PHC1: variants seen among roughly 807,000 people sequenced by gnomAD.
The protein encoded by PHC1 is polyhomeotic homolog 1.
PHC1 carries 12 observed loss-of-function variants against 104.3 expected under a neutral mutation model. That is an observed-to-expected ratio of 0.12 (90% CI 0.07 to 0.19). PHC1 has a LOEUF of 0.19. Ranked by LOEUF, PHC1 falls within the 10% of genes least tolerant of loss-of-function variation. The probability of loss-of-function intolerance (pLI) is 1.00; values close to 1 mark genes in which losing one functional copy is unlikely to be tolerated. For synonymous variants in PHC1, 302 were observed against 455.8 expected, an observed-to-expected ratio of 0.66 and a Z score of 4.30; for missense variants, 671 against 1,200.0, an observed-to-expected ratio of 0.56 and a Z score of 6.51.
Position 8,921,640 on chromosome 12 carries a change from C to T in PHC1, c.346C>T (p.Arg116Ter). ...ATTSAAQLISRSQSVSSPSAT... is the reference protein window; with the variant it reads ...ATTSAAQLIS ...CACATCGGCCGCCCAGCTCATCAGC[C>T]GATCCCAGAGTGTGAGCTCTCCCAG... Residue 116 changes from arginine to a stop codon, truncating the protein, a stop_gained, in exon 5 of 15, where the codon CGA becomes TGA. Coordinates refer to ENST00000544916, the MANE Select transcript of PHC1 (RefSeq NM_004426.3). LOFTEE classifies it high-confidence loss of function. 6.2e-7 allele frequency: 1 copy of T among 1,613,696 alleles called. No homozygotes were observed. The highest frequency in any genetic ancestry group is 8.5e-7 in the Non-Finnish European group (1 of 1,179,810).
At chr12:8,917,919 C>A in intron 2 of PHC1, 128 bp downstream of exon 2, 1 of 604,778 alleles carries the variant, frequency 1.7e-6, no homozygotes, top group South Asian at 2.1e-5. Context: ...GATGACTAAG[C>A]TGTCTTCCAG....
At chr12:8,921,308 AG>A (rs1322171169) in intron 4 of PHC1, among the ~76,000 whole-genome samples, 1 of 152,170 alleles carries the variant, frequency 6.6e-6, no homozygotes, top group African/African-American at 2.4e-5. Flanking sequence ...ATAACAAAGA[AG>A]GGGACTAATC....
chr12:8,925,947 G>A (rs1945500545), intron 6 of PHC1, among the ~76,000 whole-genome samples: 1 of 152,180 alleles, frequency 6.6e-6, no homozygotes, highest in Non-Finnish European at 1.5e-5. Flanking sequence ...ACTGGGGGTA[G>A]CAATGGAGAT....
chr12:8,914,651 C>A lies in PHC1; in HGVS notation c.-225C>A, dbSNP rs890879751. 6.7e-6 allele frequency: 1 copy of A among 149,808 alleles called. No individual in the cohort carries two copies. Among genetic ancestry groups the A allele is most frequent in the Non-Finnish European group, 1.5e-5 (1 of 66,946 alleles). 9.3% of individuals were successfully genotyped at this position (149,808 alleles called of 1,614,324 possible). A position where few individuals can be genotyped will look rare whatever the true frequency, so the allele number is the denominator to read the frequency against. On this transcript the variant is annotated 5_prime_UTR_variant, in exon 1 of 15. Coordinates refer to ENST00000544916, the MANE Select transcript of PHC1 (RefSeq NM_004426.3). ...GGCGGGAGGGGCGGGGAGCCGCGGT[C>A]GCGCCGGGCGCCTCCCACCCCGCCC...
At chr12:8,937,430 C>G in intron 13 of PHC1, 104 bp downstream of exon 13, 2 of 1,089,052 alleles carry the variant, frequency 1.8e-6, no homozygotes, top group Non-Finnish European at 2.6e-6. Context: ...GATGAGAACT[C>G]TGGTTTCACA....
chr12:8,931,589 G>A (rs778728864), intron 7 of PHC1, among the ~76,000 whole-genome samples: 6 of 152,240 alleles, frequency 3.9e-5, no homozygotes, highest in South Asian at 2.1e-4. Context: ...AGTCCCAGCT[G>A]CTCGGGAGGC....
rs953094562 is a variant in PHC1 at position 8,914,537 on chromosome 12, C to T, written c.-339C>T. 1 of 151,572 alleles carries T rather than the reference C, an allele frequency of 6.6e-6. No homozygotes were observed. Among genetic ancestry groups the T allele is most frequent in the Non-Finnish European group, 1.5e-5 (1 of 67,786 alleles). The allele number at this position is 151,572 out of a possible 1,614,324, so 9.4% of individuals were successfully genotyped here. A position where few individuals can be genotyped will look rare whatever the true frequency, so the allele number is the denominator to read the frequency against. ...CCGGCCCGCAGCCCCTGGCCTGCGG[C>T]CCCCACCTTCTCGGCCGGGCAGGAA... On this transcript the variant is annotated 5_prime_UTR_variant, in exon 1 of 15. Coordinates refer to ENST00000544916, the MANE Select transcript of PHC1 (RefSeq NM_004426.3).
At position 8,930,745 on chromosome 12, in the gene PHC1, G is replaced by A. The variant is rs1565519364; in HGVS notation, c.923G>A (p.Gly308Asp). ...GMGGGSCPRK[G>D]TGVVQPLPAA... is the part of the protein sequence containing the mutation. ...GGTGGTGGGAGCTGTCCCAGAAAGG[G>A]TACAGGAGTGGTGCAGCCCTTGCCT... Residue 308 changes from glycine (G) to aspartate (D), a missense_variant, in exon 7 of 15, where the codon GGT (glycine) becomes GAT (aspartate). Around this residue, in one of 9 missense-constraint regions of PHC1, gnomAD observed 78 missense variants for 140.8 expected, o/e 0.55. Coordinates refer to ENST00000544916, the MANE Select transcript of PHC1 (RefSeq NM_004426.3). The A allele has an allele frequency of 1.6e-6, 2 of 1,289,680 alleles. No individual in the cohort carries two copies. Among genetic ancestry groups the A allele is most frequent in the Admixed American group, 2.2e-5 (1 of 45,630 alleles). The allele number at this position is 1,289,680 out of a possible 1,614,324, so 79.9% of individuals were successfully genotyped here. A position where few individuals can be genotyped will look rare whatever the true frequency, so the allele number is the denominator to read the frequency against.
intron 12 of PHC1, 28 bp from the exon 13 acceptor site, chr12:8,937,148 G>T (rs1945861033): frequency 1.9e-6 from 3 of 1,594,908 alleles, no homozygotes; most frequent in Admixed American, 1.7e-5. Context: ...TGGCACTATT[G>T]ACATCCTATA....
At position 8,933,381 on chromosome 12, in the gene PHC1, T is replaced by A. The variant is rs762448163; in HGVS notation, c.1893+31T>A. ...TGATGTCTGATGGTTTTGAGGGCACTATTATGCATGAGAGTGGACCTGGGC... is the reference window on the plus strand; with the variant it reads ...TGATGTCTGATGGTTTTGAGGGCACAATTATGCATGAGAGTGGACCTGGGC... On this transcript the variant is annotated intron_variant, in intron 8 of 14. Transcript: ENST00000544916. 18 of 1,521,252 alleles carry A rather than the reference T, an allele frequency of 1.2e-5. No individual in the cohort carries two copies. The South Asian group carries it at 2.0e-4, about 17-fold the overall frequency. The allele number at this position is 1,521,252 out of a possible 1,614,324, so 94.2% of individuals were successfully genotyped here. A position where few individuals can be genotyped will look rare whatever the true frequency, so the allele number is the denominator to read the frequency against.
rs994688654 is a variant in PHC1, at chr12:8,919,289, G to A, written c.115-467G>A. On this transcript the variant is annotated intron_variant, in intron 2 of 14. Transcript: ENST00000544916. This position sits in a 1 kb window ranked among gnomAD's most constrained non-coding sequence, Gnocchi z 4.9. Reference sequence around the variant, plus strand: ...TTGGCCAGGCTGGTCTTGAACTCCCGACCTCAGGTGATCTGCCCTCCTAGG... The same window carrying A: ...TTGGCCAGGCTGGTCTTGAACTCCCAACCTCAGGTGATCTGCCCTCCTAGG... Among the ~76,000 whole-genome samples the A allele has an allele frequency of 3.8e-4, 58 of 152,020 alleles. No individual in the cohort carries two copies. The highest frequency in any genetic ancestry group is 5.9e-4 in the Admixed American group (9 of 15,268).
intron 6 of PHC1, among the ~76,000 whole-genome samples, chr12:8,924,366 A>G (rs1945455537): frequency 6.6e-6 from 1 of 152,164 alleles, no homozygotes; most frequent in Non-Finnish European, 1.5e-5. Context: ...AGTTCCACCT[A>G]CAGGGAGGTT....
intron 6 of PHC1, among the ~76,000 whole-genome samples, chr12:8,924,660 C>T (rs1417022307): frequency 1.3e-5 from 2 of 152,030 alleles, no homozygotes; most frequent in Non-Finnish European, 2.9e-5. Context: ...AGAGTATAGT[C>T]ATATATTTAA....
chr12:8,937,744 C>T (rs935904107), intron 13 of PHC1, 85 bp from the exon 14 acceptor site: 10 of 1,013,344 alleles, frequency 9.9e-6, no homozygotes, highest in East Asian at 2.5e-5. Flanking sequence ...TTTTCTTCTA[C>T]GCCCAACCCA....
At chr12:8,925,115 G>A (rs150095242) in intron 6 of PHC1, among the ~76,000 whole-genome samples, 2 of 152,298 alleles carry the variant, frequency 1.3e-5, no homozygotes, top group African/African-American at 4.8e-5. Flanking sequence ...CATCTGATGG[G>A]TCAGATTCCA....
In PHC1 at chr12:8,925,190, A is replaced by G. The variant is rs1204573558; in HGVS notation, c.612+2402A>G. On this transcript the variant is annotated intron_variant, in intron 6 of 14. Transcript: ENST00000544916. ...ACATCTTTCTGTTATCGTTTTTTTC[A>G]TCTGTAAAATAGGTATTGTAATATA... 2.0e-5 allele frequency among the ~76,000 whole-genome samples: 3 copies of G among 152,144 alleles called. No homozygotes were observed. The South Asian group carries it at 6.2e-4, about 32-fold the overall frequency.
chr12:8,932,445 C>A, intron 7 of PHC1, 118 bp from the exon 8 acceptor site: 1 of 1,044,322 alleles, frequency 9.6e-7, no homozygotes, highest in Non-Finnish European at 1.4e-6. Flanking sequence ...GATTTCTTTT[C>A]ACCGCATAAT....
chr12:8,922,846 A>C, intron 6 of PHC1, 58 bp downstream of exon 6: 1 of 1,506,770 alleles, frequency 6.6e-7, no homozygotes, highest in Non-Finnish European at 9.1e-7. Flanking sequence ...GGGAATGACC[A>C]CGGACCTGGG....
chr12:8,931,164 C>T (rs1227943594), intron 7 of PHC1, among the ~76,000 whole-genome samples: 1 of 152,138 alleles, frequency 6.6e-6, no homozygotes, highest in Non-Finnish European at 1.5e-5. Context: ...CTTACAAGTT[C>T]CCCTGTCCGC....
Sources: allele counts gnomAD v4.1 joint callset (sites outside exome capture counted in the v4.1 genomes callset), GRCh38; gene constraint gnomAD v4.1.1; regional missense constraint gnomAD v4.1.1; non-coding constraint Gnocchi (gnomAD v3.1); transcripts MANE v1.5; gene names NCBI Gene and HGNC (gene_info 2026-07-23, HGNC 2026-07-21).